The following SLC44A2 variants were observed in gnomAD, a reference collection of about 807,000 sequenced individuals.
SLC44A2 encodes the protein solute carrier family 44 member 2 (CTL2 blood group), also known as choline transporter-like protein 2.
Under a neutral mutation model 90.8 loss-of-function variants are expected in SLC44A2, and 57 were observed. The ratio of observed to expected loss-of-function variants is 0.63; its 90% CI spans 0.51 to 0.78. SLC44A2 has a LOEUF of 0.78. Ranked by LOEUF, SLC44A2 falls within the 30% of genes least tolerant of loss-of-function variation. The pLI, the probability that SLC44A2 is intolerant of heterozygous loss-of-function variation, is 0.00. For missense variants in SLC44A2, 794 were observed against 919.7 expected (o/e 0.86, Z 1.77); for synonymous variants, 355 against 360.7 (o/e 0.98, Z 0.18).
At chr19:10,611,705 C>T (rs981056082) in intron 1 of SLC44A2, among the ~76,000 whole-genome samples, 4 of 151,516 alleles carry the variant, frequency 2.6e-5, no homozygotes, top group Admixed American at 2.0e-4. Context: ...GCCTGTGGTC[C>T]GAGCCACTCT....
At chr19:10,627,499 C>G (rs1460553709) in intron 2 of SLC44A2, among the ~76,000 whole-genome samples, 1 of 152,028 alleles carries the variant, frequency 6.6e-6, no homozygotes, top group African/African-American at 2.4e-5. Context: ...TATGATCATG[C>G]CACTGTACTC....
chr19:10,634,622 C>T lies in SLC44A2; in HGVS notation c.824-134C>T, dbSNP rs577961670. 123 of 1,220,342 alleles carry T rather than the reference C, an allele frequency of 1.0e-4. 1 individual carries two copies. In the Middle Eastern group the frequency reaches 1.1e-3, roughly 11 times the overall value. 75.6% of individuals were successfully genotyped at this position (1,220,342 alleles called of 1,614,324 possible). A position where few individuals can be genotyped will look rare whatever the true frequency, so the allele number is the denominator to read the frequency against. ...AGCCATGGGGAGAGAATGCACCGGGCGGTGGGAACTGCAAGTGTAAAGTCC... is the reference window on the plus strand; with the variant it reads ...AGCCATGGGGAGAGAATGCACCGGGTGGTGGGAACTGCAAGTGTAAAGTCC... On this transcript the variant is annotated intron_variant, in intron 10 of 21. Transcript: ENST00000335757.
intron 1 of SLC44A2, 136 bp from the exon 2 acceptor site, chr19:10,626,117 A>G: frequency 2.7e-6 from 2 of 746,512 alleles, no homozygotes; most frequent in Admixed American, 4.3e-5. Flanking sequence ...TGGGTGAGGC[A>G]GAAAATTCCA....
intron 20 of SLC44A2, among the ~76,000 whole-genome samples, chr19:10,639,439 TG>T (rs34277129): frequency 0.74 from 111,715 of 150,884 alleles, 41,708 homozygotes; most frequent in African/African-American, 0.85. Context: ...TGGGCAGGTG[TG>T]GGGGGGGTCC....
At chr19:10,636,294 TGGACTCGG>T (rs1313473156) in intron 14 of SLC44A2, 21 bp from the exon 15 acceptor site, 1 of 1,589,800 alleles carries the variant, frequency 6.3e-7, no homozygotes, top group Admixed American at 1.7e-5. Context: ...TGCCTCTTTT[TGGACTCGG>T]TTCTCCCTTC....
chr19:10,620,383 G>A (rs1490062084), intron 1 of SLC44A2, among the ~76,000 whole-genome samples: 1 of 152,098 alleles, frequency 6.6e-6, no homozygotes, highest in Non-Finnish European at 1.5e-5. Flanking sequence ...CGGGGGTGCT[G>A]AGGCAGAAGA....
At chr19:10,609,302 T>G (rs958734732) in intron 1 of SLC44A2, among the ~76,000 whole-genome samples, 1 of 150,540 alleles carries the variant, frequency 6.6e-6, no homozygotes, top group South Asian at 2.1e-4. Context: ...TTTTTGTTGC[T>G]TTTTTCTTTT....
Position 10,642,467 on chromosome 19 carries a change from C to T in SLC44A2, c.2014+16C>T, listed in dbSNP as rs777583182. On this transcript the variant is annotated intron_variant, in intron 21 of 21. Transcript: ENST00000335757. ...CTCTGCTTCTGTGAGTGACCCCTCACCCCAAACCTTGCTGGGCCCCGAATC... is the reference window on the plus strand; with the variant it reads ...CTCTGCTTCTGTGAGTGACCCCTCATCCCAAACCTTGCTGGGCCCCGAATC... 1.9e-6 allele frequency: 3 copies of T among 1,612,166 alleles called. No homozygotes were observed. The highest frequency in any genetic ancestry group is 1.1e-5 in the South Asian group (1 of 91,038).
chr19:10,603,132 C>G (rs1481900396), intron 1 of SLC44A2, among the ~76,000 whole-genome samples: 4 of 152,122 alleles, frequency 2.6e-5, no homozygotes, highest in Non-Finnish European at 5.9e-5. Context: ...AATTGAGAAA[C>G]TTTCCCCTCC....
In SLC44A2 at chr19:10,636,407, C is replaced by G. The variant is rs776404174; in HGVS notation, c.1318C>G (p.Arg440Gly). The stretch of plus-strand genomic sequence containing the variant: ...CTACGGTGGTGAGTCGGGCTACCAC[C>G]GGGCCCTGCTGGGCCTGCAGATCTT... Reference protein sequence around the residue: ...AFYGGESGYHRALLGLQIFNA... With the variant: ...AFYGGESGYHGALLGLQIFNA... The change falls in exon 15 of 22, where the codon CGG (arginine) becomes GGG (glycine). Residue 440 changes from arginine to glycine, a missense_variant. Transcript: ENST00000335757. The G allele has an allele frequency of 6.2e-7, 1 of 1,614,070 alleles. No homozygotes were observed. Among genetic ancestry groups the G allele is most frequent in the Non-Finnish European group, 8.5e-7 (1 of 1,180,020 alleles).
upstream of SLC44A2, chr19:10,625,552 C>A: frequency 2.4e-6 from 3 of 1,231,658 alleles, no homozygotes; most frequent in South Asian, 1.2e-4. Flanking sequence ...GTCGCGCGGT[C>A]AGTGCCTCCC....
intron 10 of SLC44A2, among the ~76,000 whole-genome samples, chr19:10,633,556 A>C (rs562228603): frequency 6.6e-6 from 1 of 152,208 alleles, no homozygotes; most frequent in Non-Finnish European, 1.5e-5. Context: ...CCTGGGCTCA[A>C]GTGATCCTCC....
rs769094712 is a variant in SLC44A2 at position 10,642,369 on chromosome 19, G to A, written c.1932G>A (p.Thr644=). The A allele has an allele frequency of 4.3e-6, 7 of 1,613,900 alleles. No individual in the cohort carries two copies. Among genetic ancestry groups the A allele is most frequent in the African/African-American group, 4.0e-5 (3 of 74,892 alleles). Residue 644 remains threonine (T), a splice_region_variant and synonymous_variant, in exon 21 of 22, where the codon ACG becomes ACA. Coordinates refer to ENST00000335757, the MANE Select transcript of SLC44A2 (RefSeq NM_020428.4). ...ACAGCTCGTTTCTCCTTGCCCAGACGGTGATCGTTGGCTCCTACTTGATTG... is the reference window on the plus strand; with the variant it reads ...ACAGCTCGTTTCTCCTTGCCCAGACAGTGATCGTTGGCTCCTACTTGATTG... ...PLNYYWVPIL[T]VIVGSYLIAH... is the part of the protein sequence containing the mutation.
intron 4 of SLC44A2, among the ~76,000 whole-genome samples, chr19:10,630,166 A>G (rs917422587): frequency 5.9e-5 from 9 of 152,044 alleles, no homozygotes; most frequent in African/African-American, 2.2e-4. Flanking sequence ...CCTGGGCAAC[A>G]TGGTGAAATT....
At chr19:10,612,870 C>T (rs559657460) in intron 1 of SLC44A2, among the ~76,000 whole-genome samples, 12 of 152,330 alleles carry the variant, frequency 7.9e-5, no homozygotes, top group African/African-American at 2.9e-4. Flanking sequence ...GCAACGTTAT[C>T]TCTGCTTCTC....
At chr19:10,610,331 CTTT>C (rs1158338646) in intron 1 of SLC44A2, among the ~76,000 whole-genome samples, 4 of 134,444 alleles carry the variant, frequency 3.0e-5, no homozygotes, top group Admixed American at 7.5e-5. Context: ...TTTTCTTTTC[CTTT>C]TTTTTTTTTT....
chr19:10,611,548 G>A (rs114841146), intron 1 of SLC44A2, among the ~76,000 whole-genome samples: 1,472 of 145,506 alleles, frequency 0.01, 29 homozygotes, highest in African/African-American at 0.04. Flanking sequence ...TGGGTGGATC[G>A]TGGTTCACTC....
chr19:10,639,191 C>T (rs569361254), intron 20 of SLC44A2, among the ~76,000 whole-genome samples: 3 of 152,256 alleles, frequency 2.0e-5, no homozygotes, highest in Non-Finnish European at 4.4e-5. Context: ...GCCTCGGGCT[C>T]GCAGAGTACT....
chr19:10,634,295 T>A lies in SLC44A2; in HGVS notation c.824-461T>A, dbSNP rs2067029584. Among the ~76,000 whole-genome samples the A allele has an allele frequency of 3.3e-5, 5 of 149,934 alleles. No individual in the cohort carries two copies. In the South Asian group the frequency reaches 1.1e-3, roughly 33 times the overall value. On this transcript the variant is annotated intron_variant, in intron 10 of 21. Transcript: ENST00000335757. ...GAGCCACCGCGCCCGGCCAACCCCA[T>A]CTCTATTAAAAATACAAAATTAGCC...
Sources: allele counts gnomAD v4.1 joint callset (sites outside exome capture counted in the v4.1 genomes callset), GRCh38; gene constraint gnomAD v4.1.1; transcripts MANE v1.5; gene names NCBI Gene and HGNC (gene_info 2026-07-23, HGNC 2026-07-21).